Variants in GPC5 observed in about 807,000 individuals in gnomAD.
The protein encoded by GPC5 is glypican 5.
In GPC5, 47 loss-of-function variants were observed where a neutral mutation model predicts 53.9. The observed-to-expected ratio is 0.87, with a 90% CI of 0.69 to 1.11. GPC5 has a LOEUF of 1.11. Among genes scored for constraint, GPC5 ranks in the 50% most tolerant of loss-of-function variants. GPC5 has a pLI of 0.00. For missense variants in GPC5, 748 were observed against 713.1 expected, an observed-to-expected ratio of 1.05 and a Z score of -0.56; for synonymous variants, 286 against 263.3, an observed-to-expected ratio of 1.09 and a Z score of -0.84.
chr13:92,785,906 T>C (rs1397823611), intron 7 of GPC5, among the ~76,000 whole-genome samples: 2 of 152,218 alleles, frequency 1.3e-5, no homozygotes, highest in African/African-American at 4.8e-5. Flanking sequence ...AGTTCTTATA[T>C]GTTAAGTGTT....
At chr13:91,462,626 A>G (rs556880857) in intron 2 of GPC5, among the ~76,000 whole-genome samples, 1 of 152,248 alleles carries the variant, frequency 6.6e-6, no homozygotes, top group Admixed American at 6.5e-5. Flanking sequence ...TTACATAAGG[A>G]AAGCTAGTGT....
chr13:91,455,522 T>G (rs986233009), intron 2 of GPC5, among the ~76,000 whole-genome samples: 1 of 152,224 alleles, frequency 6.6e-6, no homozygotes, highest in Admixed American at 6.5e-5. Context: ...TATGAATAAA[T>G]CATACCAACA....
intron 7 of GPC5, among the ~76,000 whole-genome samples, chr13:92,530,609 G>A (rs1344260077): frequency 7.2e-5 from 11 of 152,080 alleles, no homozygotes; most frequent in Admixed American, 3.3e-4. Context: ...CTTGTGTACC[G>A]AAGAGGAAAA....
At chr13:91,675,520 C>CT (rs2035361949) in intron 2 of GPC5, among the ~76,000 whole-genome samples, 1 of 152,206 alleles carries the variant, frequency 6.6e-6, no homozygotes, top group East Asian at 1.9e-4. Context: ...ACCTCATGGA[C>CT]TGTAAGTATA....
At chr13:91,662,425 A>G (rs903443838) in intron 2 of GPC5, among the ~76,000 whole-genome samples, 3 of 152,170 alleles carry the variant, frequency 2.0e-5, no homozygotes, top group African/African-American at 7.2e-5. Context: ...CATCTTGATA[A>G]AAGTCAGTTT....
intron 6 of GPC5, among the ~76,000 whole-genome samples, chr13:91,913,193 G>GTTT (rs1188156461): frequency 6.6e-6 from 1 of 152,140 alleles, no homozygotes; most frequent in African/African-American, 2.4e-5. Flanking sequence ...GAGGTCAGGA[G>GTTT]TTTGAGACCA....
At chr13:92,139,680 A>AAAAAAAAGTG (rs532196727) in intron 6 of GPC5, among the ~76,000 whole-genome samples, 29,680 of 139,702 alleles carry the variant, frequency 0.21, 4,201 homozygotes, top group East Asian at 0.38. Context: ...AAAAAAAAAA[A>AAAAAAAAGTG]AAAAAGTGTT....
intron 1 of GPC5, among the ~76,000 whole-genome samples, chr13:91,419,824 G>A (rs1375540017): frequency 1.3e-5 from 2 of 152,162 alleles, no homozygotes; most frequent in Non-Finnish European, 2.9e-5. Flanking sequence ...ATTACCTATG[G>A]AATGCTTTTA....
At chr13:91,456,832 ATTT>A (rs67560339) in intron 2 of GPC5, among the ~76,000 whole-genome samples, 1 of 143,242 alleles carries the variant, frequency 7.0e-6, no homozygotes, top group Non-Finnish European at 1.5e-5. Flanking sequence ...TGAATATGGG[ATTT>A]TTTTTTTTTT....
At chr13:92,574,816 T>G (rs1026762172) in intron 7 of GPC5, among the ~76,000 whole-genome samples, 1 of 152,272 alleles carries the variant, frequency 6.6e-6, no homozygotes, top group East Asian at 1.9e-4. Flanking sequence ...CTCGGAAGAA[T>G]GTTTATTACT....
At chr13:92,866,205 T>G in intron 7 of GPC5, 77 bp from the exon 8 acceptor site, 11 of 1,297,890 alleles carry the variant, frequency 8.5e-6, no homozygotes, top group Non-Finnish European at 1.1e-5. Context: ...GTCCACACTT[T>G]GAGTTTAAGA....
chr13:91,631,595 G>A (rs868751845), intron 2 of GPC5, among the ~76,000 whole-genome samples: 3 of 152,190 alleles, frequency 2.0e-5, no homozygotes, highest in South Asian at 2.1e-4. Context: ...ACTGTGAGCT[G>A]CAACTCTTTT....
Position 92,332,534 on chromosome 13 carries a change from T to C in GPC5, c.1561+187545T>C, listed in dbSNP as rs575749798. On this transcript the variant is annotated intron_variant, in intron 7 of 7. Transcript: ENST00000377067. Reference sequence around the variant, plus strand: ...TTTCACAATTATAAAACTGGAGTTATGGGAACAAGTACTCAATAGAAATAT... The same window carrying C: ...TTTCACAATTATAAAACTGGAGTTACGGGAACAAGTACTCAATAGAAATAT... Among the ~76,000 whole-genome samples, 10 of 152,308 alleles carry C rather than the reference T, an allele frequency of 6.6e-5. No individual in the cohort carries two copies. In the East Asian group the frequency reaches 9.6e-4, roughly 15 times the overall value.
chr13:92,819,844 T>A (rs907084121), intron 7 of GPC5, among the ~76,000 whole-genome samples: 1 of 152,216 alleles, frequency 6.6e-6, no homozygotes, highest in African/African-American at 2.4e-5. Flanking sequence ...TAGTTCTAAT[T>A]TGATGTCAAC....
chr13:92,222,422 A>G (rs916226333), intron 7 of GPC5, among the ~76,000 whole-genome samples: 1 of 152,238 alleles, frequency 6.6e-6, no homozygotes, highest in African/African-American at 2.4e-5. Flanking sequence ...GTTTAATTAC[A>G]GTAAATTAAG....
chr13:92,387,786 G>C (rs1874807005), intron 7 of GPC5, among the ~76,000 whole-genome samples: 1 of 152,054 alleles, frequency 6.6e-6, no homozygotes, highest in South Asian at 2.1e-4. Context: ...TTTAAGCTCT[G>C]GTTTCCTTAC....
chr13:92,179,242 T>A (rs571598651), intron 7 of GPC5, among the ~76,000 whole-genome samples: 72 of 152,206 alleles, frequency 4.7e-4, no homozygotes, highest in African/African-American at 1.7e-3. Context: ...CCTAAAAAAA[T>A]TTTCAATTAA....
chr13:92,144,706 ACTTGG>A, intron 6 of GPC5, 119 bp from the exon 7 acceptor site: 1 of 852,014 alleles, frequency 1.2e-6, no homozygotes, highest in Non-Finnish European at 1.8e-6. Flanking sequence ...TAAAGACTTG[ACTTGG>A]TGTCTACACC....
intron 5 of GPC5, among the ~76,000 whole-genome samples, chr13:91,853,179 A>G (rs1438515651): frequency 6.6e-6 from 1 of 152,118 alleles, no homozygotes; most frequent in Non-Finnish European, 1.5e-5. Flanking sequence ...TTGATATTAA[A>G]TTGAAAGATG....
Sources: allele counts gnomAD v4.1 joint callset (sites outside exome capture counted in the v4.1 genomes callset), GRCh38; gene constraint gnomAD v4.1.1; transcripts MANE v1.5; gene names NCBI Gene and HGNC (gene_info 2026-07-23, HGNC 2026-07-21).